The following SND1 variants were observed in gnomAD, a reference collection of about 807,000 sequenced individuals.
The protein encoded by SND1 is staphylococcal nuclease and tudor domain containing 1, also known as staphylococcal nuclease domain-containing protein 1.
In SND1, 38 loss-of-function variants were observed where a neutral mutation model predicts 121.7. The ratio of observed to expected loss-of-function variants is 0.31; its 90% CI spans 0.24 to 0.41. The LOEUF (loss-of-function observed/expected upper bound fraction) is 0.41, where lower values mean the gene tolerates loss of function less well. Among genes scored for constraint, SND1 ranks in the 10% least tolerant of loss-of-function variants. The pLI is 1.00. For missense variants in SND1, 868 were observed against 1,184.6 expected (o/e 0.73, Z 3.92); for synonymous variants, 401 against 447.4 (o/e 0.90, Z 1.31).
At chr7:127,980,835 T>C (rs1346394704) in intron 15 of SND1, among the ~76,000 whole-genome samples, 1 of 152,230 alleles carries the variant, frequency 6.6e-6, no homozygotes, top group African/African-American at 2.4e-5. Flanking sequence ...GGGTATTTCC[T>C]GTGGCTTTCT....
At chr7:127,947,863 T>G (rs2116849773) in intron 15 of SND1, among the ~76,000 whole-genome samples, 1 of 152,316 alleles carries the variant, frequency 6.6e-6, no homozygotes, top group Admixed American at 6.5e-5. Flanking sequence ...ATAGTATGGA[T>G]TTTATGGCCA....
chr7:127,671,167 T>A (rs1466126178), intron 1 of SND1, among the ~76,000 whole-genome samples: 1 of 152,224 alleles, frequency 6.6e-6, no homozygotes, highest in Non-Finnish European at 1.5e-5. Flanking sequence ...GATTTGTCTA[T>A]CACTGATGCT....
At chr7:128,022,304 G>A (rs1480434395) in intron 16 of SND1, among the ~76,000 whole-genome samples, 1 of 151,180 alleles carries the variant, frequency 6.6e-6, no homozygotes, top group Non-Finnish European at 1.5e-5. Flanking sequence ...TTAAACTGTA[G>A]TAATTACTCT....
intron 16 of SND1, among the ~76,000 whole-genome samples, chr7:128,045,250 A>C: frequency 6.6e-6 from 1 of 152,010 alleles, no homozygotes; most frequent in Admixed American, 6.6e-5. Flanking sequence ...TTTTCCATGG[A>C]CCCTGGCTGT....
intron 10 of SND1, among the ~76,000 whole-genome samples, chr7:127,791,437 G>T (rs1026246023): frequency 2.6e-5 from 4 of 152,118 alleles, no homozygotes; most frequent in African/African-American, 7.2e-5. Context: ...AAAGGCATGA[G>T]CCACCATGCC....
At chr7:127,687,008 GT>G in intron 2 of SND1, 1 of 374,932 alleles carries the variant, frequency 2.7e-6, no homozygotes, top group Non-Finnish European at 4.8e-6. Context: ...GATTTGTTGT[GT>G]TTTCACTACT....
chr7:127,901,338 C>T (rs1017925141), intron 13 of SND1, among the ~76,000 whole-genome samples: 2 of 152,158 alleles, frequency 1.3e-5, no homozygotes, highest in African/African-American at 4.8e-5. Context: ...TTGGAATTTG[C>T]TCCTCTCCTC....
chr7:128,053,661 T>TA (rs1793086330), intron 16 of SND1, among the ~76,000 whole-genome samples: 1 of 151,762 alleles, frequency 6.6e-6, no homozygotes, highest in South Asian at 2.1e-4. Flanking sequence ...GAAGGGGACT[T>TA]ACAAAACCCA....
At chr7:127,791,120 A>G (rs1797902496) in intron 10 of SND1, among the ~76,000 whole-genome samples, 1 of 150,982 alleles carries the variant, frequency 6.6e-6, no homozygotes, top group Admixed American at 6.6e-5. Flanking sequence ...AGAGTATTGA[A>G]TGAAATGAGC....
intron 12 of SND1, among the ~76,000 whole-genome samples, chr7:127,847,548 T>C (rs10265516): frequency 0.2 from 30,402 of 152,170 alleles, 3,454 homozygotes; most frequent in African/African-American, 0.32. Context: ...CTATTTGATA[T>C]CTTGTTGAAT....
intron 10 of SND1, among the ~76,000 whole-genome samples, chr7:127,735,650 A>G (rs1375373077): frequency 6.6e-6 from 1 of 152,130 alleles, no homozygotes; most frequent in Non-Finnish European, 1.5e-5. Context: ...TTTTGGAGAC[A>G]GAGTCTCACT....
In SND1 at chr7:128,081,424, G is replaced by A. The variant is rs747533443; in HGVS notation, c.2033G>A (p.Arg678Gln). 3.1e-6 allele frequency: 5 copies of A among 1,614,220 alleles called. No individual in the cohort carries two copies. Among genetic ancestry groups the A allele is most frequent in the East Asian group, 2.2e-5 (1 of 44,882 alleles). Reference protein sequence around the residue: ...EVMPVLEEKERSASYKPVFVT... With the variant: ...EVMPVLEEKEQSASYKPVFVT... Reference sequence around the variant, plus strand: ...ATGCCAGTGCTGGAGGAGAAGGAGCGATCTGCTAGCTACAAGCCCGTGTTT... The same window carrying A: ...ATGCCAGTGCTGGAGGAGAAGGAGCAATCTGCTAGCTACAAGCCCGTGTTT... Residue 678 changes from arginine (R) to glutamine (Q), a missense_variant, in exon 18 of 24, where the codon CGA becomes CAA. Arg to Gln is a conservative substitution (Grantham distance 43, BLOSUM62 1). Transcript: ENST00000354725.
At chr7:127,749,485 G>A (rs1175632637) in intron 10 of SND1, among the ~76,000 whole-genome samples, 1 of 152,084 alleles carries the variant, frequency 6.6e-6, no homozygotes, top group Non-Finnish European at 1.5e-5. Flanking sequence ...ATTTATCTGT[G>A]GTGAAGAGGC....
chr7:128,041,617 A>G (rs1405804246), intron 16 of SND1, among the ~76,000 whole-genome samples: 1 of 152,204 alleles, frequency 6.6e-6, no homozygotes, highest in African/African-American at 2.4e-5. Flanking sequence ...CAGCTCCTCT[A>G]TCAGATTTAG....
At chr7:127,721,583 CT>C (rs534733616) in intron 10 of SND1, among the ~76,000 whole-genome samples, 183 bp downstream of exon 10, 2 of 152,330 alleles carry the variant, frequency 1.3e-5, no homozygotes, top group Admixed American at 1.3e-4. Context: ...GTCTCAGTGT[CT>C]TGTGGCCCAC....
At chr7:127,796,482 A>G (rs889505464) in intron 10 of SND1, among the ~76,000 whole-genome samples, 1 of 152,158 alleles carries the variant, frequency 6.6e-6, no homozygotes, top group African/African-American at 2.4e-5. Context: ...TCTAGGTACC[A>G]TAAACAGCTT....
intron 15 of SND1, among the ~76,000 whole-genome samples, chr7:127,932,544 T>A (rs1800974672): frequency 6.6e-6 from 1 of 152,204 alleles, no homozygotes; most frequent in South Asian, 2.1e-4. Flanking sequence ...AGCATCAGGG[T>A]TTGAGAGAAT....
intron 10 of SND1, among the ~76,000 whole-genome samples, chr7:127,796,232 A>G (rs901988480): frequency 1.3e-5 from 2 of 152,102 alleles, no homozygotes; most frequent in African/African-American, 2.4e-5. Flanking sequence ...CAACTAGTAT[A>G]GTATAAGCGC....
At position 127,852,370 on chromosome 7, in the gene SND1, C is replaced by G. The variant is rs550636459; in HGVS notation, c.1343+7946C>G. Among the ~76,000 whole-genome samples, 253 of 151,120 alleles carry G rather than the reference C, an allele frequency of 1.7e-3. 1 individual carries two copies. The highest frequency in any genetic ancestry group is 2.5e-3 in the Non-Finnish European group (172 of 67,782). On this transcript the variant is annotated intron_variant, in intron 12 of 23. Transcript: ENST00000354725. ...TTAGCAGGGTGTGGGCACCTATAAT[C>G]TCAGCTACTTGGGAGGCTGAGGCAG... is the stretch of plus-strand genomic sequence containing the variant.
Sources: gnomAD v4.1 joint callset for allele counts (sites outside exome capture counted in the v4.1 genomes callset) on GRCh38, gnomAD v4.1.1 for gene constraint, MANE v1.5 for transcripts, NCBI Gene and HGNC (gene_info 2026-07-23, HGNC 2026-07-21) for gene names.